LANCL3: variants seen among roughly 807,000 people sequenced by gnomAD.
LANCL3 encodes the protein lanC-like protein 3.
In LANCL3, 19 loss-of-function variants were observed where a neutral mutation model predicts 26.5. That is an observed-to-expected ratio of 0.72 (90% CI 0.50 to 1.05). The LOEUF is 1.05. Ranked by LOEUF, LANCL3 falls within the 50% of genes least tolerant of loss-of-function variation. The probability of loss-of-function intolerance (pLI) is 0.00; values close to 1 mark genes in which losing one functional copy is unlikely to be tolerated. For synonymous variants in LANCL3, 160 were observed against 166.6 expected (o/e 0.96, Z 0.30); for missense variants, 318 against 362.7 (o/e 0.88, Z 1.00).
At chrX:37,641,055 T>C (rs1925849224) in intron 1 of LANCL3, among the ~76,000 whole-genome samples, 1 of 111,575 alleles carries the variant, frequency 9.0e-6, no homozygotes, top group African/African-American at 3.3e-5. Flanking sequence ...AAAATGATTC[T>C]ATCTGAATTT....
chrX:37,584,540 T>G (rs1160556590), intron 1 of LANCL3, among the ~76,000 whole-genome samples: 2 of 111,278 alleles, frequency 1.8e-5, no homozygotes, highest in Non-Finnish European at 3.8e-5. Flanking sequence ...TCCTGGTTTA[T>G]TGTTGGGAGG....
intron 1 of LANCL3, among the ~76,000 whole-genome samples, chrX:37,618,356 A>G (rs1925064248): frequency 8.9e-6 from 1 of 112,190 alleles, no homozygotes; most frequent in Non-Finnish European, 1.9e-5. Context: ...CAACTAGAGG[A>G]AGGGGAACAC....
At chrX:37,668,331 A>G (rs1449974124) in intron 4 of LANCL3, 5 of 256,079 alleles carry the variant, frequency 2.0e-5, no homozygotes, top group African/African-American at 1.6e-4. Flanking sequence ...ATATATATAT[A>G]TTTATAATTT....
chrX:37,674,701 G>C (rs1327806051), intron 4 of LANCL3, among the ~76,000 whole-genome samples: 1 of 111,298 alleles, frequency 9.0e-6, no homozygotes, highest in Non-Finnish European at 1.9e-5. Context: ...TCTGTTTTCT[G>C]CTAATTTATT....
At chrX:37,619,837 G>T (rs1925106520) in intron 1 of LANCL3, among the ~76,000 whole-genome samples, 1 of 111,687 alleles carries the variant, frequency 9.0e-6, no homozygotes, top group Non-Finnish European at 1.9e-5. Context: ...GCTGCGCAGA[G>T]CCTTCATTCA....
chrX:37,615,890 G>A (rs1452470146), intron 1 of LANCL3, among the ~76,000 whole-genome samples: 2 of 111,915 alleles, frequency 1.8e-5, no homozygotes, highest in African/African-American at 6.5e-5. Flanking sequence ...GATCCCAGTA[G>A]ATATAGAAGC....
At chrX:37,583,443 C>G (rs1923961107) in intron 1 of LANCL3, among the ~76,000 whole-genome samples, 1 of 111,956 alleles carries the variant, frequency 8.9e-6, no homozygotes, top group South Asian at 3.7e-4. Flanking sequence ...TTCTTCCTAT[C>G]CATGAGCATG....
chrX:37,606,865 G>C (rs1179372292), intron 1 of LANCL3, among the ~76,000 whole-genome samples: 7 of 112,292 alleles, frequency 6.2e-5, no homozygotes, highest in Admixed American at 4.7e-4. Context: ...CAGCATACAA[G>C]CTGGAAAAAA....
At chrX:37,582,518 T>C (rs1251450908) in intron 1 of LANCL3, among the ~76,000 whole-genome samples, 3 of 112,255 alleles carry the variant, frequency 2.7e-5, no homozygotes, top group Non-Finnish European at 5.6e-5. Context: ...TTGATTTGCA[T>C]TCCTCTGATG....
In LANCL3 at chrX:37,680,348, CTCTT is replaced by C. The variant is rs1890464404; in HGVS notation, c.*4536_*4539del. On this transcript the variant is annotated 3_prime_UTR_variant, in exon 5 of 5. Coordinates refer to ENST00000378619, the MANE Select transcript of LANCL3 (RefSeq NM_001170331.2). ...AAATCTCATACTGGAGGTGTGATCT[CTCTT>C]CTTGTTTCTTTAATTGAAAGTACCA... 8.9e-6 allele frequency: 1 copy of C among 112,373 alleles called. No individual in the cohort carries two copies. The highest frequency in any genetic ancestry group is 9.4e-5 in the Admixed American group (1 of 10,616). 9.3% of individuals were successfully genotyped at this position (112,373 alleles called of 1,213,427 possible).
At position 37,677,853 on chromosome X, in the gene LANCL3, A is replaced by C. The variant is rs1299655552; in HGVS notation, c.*2040A>C. ...CAGTATTCTAGACTAGAATCTGGGG[A>C]TACAATAGTGAACAAAATAAACTTT... On this transcript the variant is annotated 3_prime_UTR_variant, in exon 5 of 5. Transcript: ENST00000378619. 1 of 112,095 alleles carries C rather than the reference A, an allele frequency of 8.9e-6. No individual in the cohort carries two copies. Among genetic ancestry groups the C allele is most frequent in the Non-Finnish European group, 1.9e-5 (1 of 53,126 alleles). The allele number at this position is 112,095 out of a possible 1,213,427, so 9.2% of individuals were successfully genotyped here.
At chrX:37,632,579 C>T (rs1556424616) in intron 1 of LANCL3, among the ~76,000 whole-genome samples, 1 of 112,016 alleles carries the variant, frequency 8.9e-6, no homozygotes, top group Non-Finnish European at 1.9e-5. Context: ...CATGATTTTG[C>T]AGTGGCTGGT....
Position 37,571,996 on chromosome X carries a change from T to C in LANCL3, c.126T>C (p.Leu42=). ...CCATCGAGCGCATCCTCCAGGAGCT[T>C]CCCCCACTCGGGGGCGGCGCGGAGG... ...TATIERILQE[L]PPLGGGAEAR... Residue 42 remains leucine, a synonymous_variant, in exon 1 of 5, where the codon CTT becomes CTC. Transcript: ENST00000378619. 8.4e-7 allele frequency: 1 copy of C among 1,190,413 alleles called. No individual in the cohort carries two copies.
At chrX:37,665,369 G>A (rs1926521231) in intron 3 of LANCL3, among the ~76,000 whole-genome samples, 1 of 111,495 alleles carries the variant, frequency 9.0e-6, no homozygotes, top group Admixed American at 9.5e-5. Context: ...GCTAATCTTA[G>A]TGCTAGATAG....
chrX:37,637,302 T>C (rs1925734121), intron 1 of LANCL3, among the ~76,000 whole-genome samples: 1 of 112,062 alleles, frequency 8.9e-6, no homozygotes, highest in Admixed American at 9.5e-5. Flanking sequence ...AGAGCTCTTT[T>C]TGCCACATTG....
chrX:37,639,188 C>T (rs1201856265), intron 1 of LANCL3, among the ~76,000 whole-genome samples: 1 of 101,771 alleles, frequency 9.8e-6, no homozygotes, highest in African/African-American at 3.6e-5. Flanking sequence ...TATATACATA[C>T]ATATACACAC....
At chrX:37,670,925 G>C (rs1306778020) in intron 4 of LANCL3, among the ~76,000 whole-genome samples, 4 of 110,965 alleles carry the variant, frequency 3.6e-5, no homozygotes, top group Non-Finnish European at 7.6e-5. Context: ...GGTATTTTAT[G>C]TTTCTAGGTT....
intron 4 of LANCL3, chrX:37,668,430 A>G: frequency 2.5e-6 from 1 of 404,995 alleles, no homozygotes. Flanking sequence ...CATTGCTTTT[A>G]ATAGATATTA....
intron 1 of LANCL3, among the ~76,000 whole-genome samples, chrX:37,588,117 C>T (rs1244582158): frequency 8.9e-6 from 1 of 112,059 alleles, no homozygotes; most frequent in African/African-American, 3.2e-5. Context: ...AATGTATTGG[C>T]CTTTGAATGT....
Sources: allele counts gnomAD v4.1 joint callset (sites outside exome capture counted in the v4.1 genomes callset), GRCh38; gene constraint gnomAD v4.1.1; transcripts MANE v1.5; gene names NCBI Gene and HGNC (gene_info 2026-07-23, HGNC 2026-07-21).